PTPRD: variants seen among roughly 807,000 people sequenced by gnomAD.
PTPRD encodes the protein receptor-type tyrosine-protein phosphatase delta.
In PTPRD, 34 loss-of-function variants were observed where a neutral mutation model predicts 214.5. That is an observed-to-expected ratio of 0.16 (90% confidence interval 0.12 to 0.21). The LOEUF is 0.21. Ranked by LOEUF, PTPRD falls within the 10% of genes least tolerant of loss-of-function variation. The pLI, the probability that PTPRD is intolerant of heterozygous loss-of-function variation, is 1.00. For synonymous variants in PTPRD, 1,128 were observed against 845.7 expected (o/e 1.33, Z -5.79); for missense variants, 2,545 against 2,398.7 (o/e 1.06, Z -1.27).
intron 14 of PTPRD, among the ~76,000 whole-genome samples, chr9:8,617,939 A>T (rs908676524): frequency 5.9e-5 from 9 of 152,046 alleles, no homozygotes; most frequent in African/African-American, 1.4e-4. Flanking sequence ...CTCATTTTTT[A>T]AAAAAATCAC....
intron 11 of PTPRD, among the ~76,000 whole-genome samples, chr9:8,748,686 C>A (rs773192786): frequency 3.3e-5 from 5 of 151,984 alleles, no homozygotes; most frequent in Non-Finnish European, 7.4e-5. Context: ...CCAAGGCAGA[C>A]GGATCACCTG....
At chr9:9,645,481 T>A (rs866867818) in intron 7 of PTPRD, among the ~76,000 whole-genome samples, 44 of 142,346 alleles carry the variant, frequency 3.1e-4, no homozygotes, top group Middle Eastern at 3.9e-3. Flanking sequence ...ATATATATAT[T>A]TTCTATTTGC....
chr9:9,365,770 G>T (rs982737284), intron 9 of PTPRD, among the ~76,000 whole-genome samples: 2 of 151,208 alleles, frequency 1.3e-5, no homozygotes, highest in Non-Finnish European at 3.0e-5. Context: ...GTCTCTCTAT[G>T]GGTCTCTCAA....
At chr9:10,205,820 T>C (rs2099471927) in intron 3 of PTPRD, among the ~76,000 whole-genome samples, 1 of 152,192 alleles carries the variant, frequency 6.6e-6, no homozygotes, top group Admixed American at 6.5e-5. Context: ...TGAAATGTGA[T>C]ACTATAACTT....
intron 3 of PTPRD, among the ~76,000 whole-genome samples, chr9:10,188,418 A>G (rs1320132968): frequency 6.6e-6 from 1 of 152,134 alleles, no homozygotes; most frequent in African/African-American, 2.4e-5. Context: ...TTCCACTTGA[A>G]TCCTTTATAG....
rs1262853374 is a variant in PTPRD, at chr9:9,838,248, T to C, written c.-367-71397A>G. Among the ~76,000 whole-genome samples the C allele has an allele frequency of 5.9e-5, 9 of 152,318 alleles. No homozygotes were observed. The East Asian group carries it at 9.6e-4, about 16-fold the overall frequency. ...AAACATAGGTGTGCATGTGTCTTTA[T>C]AGCAGCATGATTTGTAGTCCTTTGG... On this transcript the variant is annotated intron_variant, in intron 5 of 45. Transcript: ENST00000381196.
chr9:8,986,172 G>A (rs1335641242), intron 11 of PTPRD, among the ~76,000 whole-genome samples: 1 of 152,026 alleles, frequency 6.6e-6, no homozygotes, highest in Non-Finnish European at 1.5e-5. Context: ...GTTGGGTGCA[G>A]AACAGTTTTT....
intron 5 of PTPRD, among the ~76,000 whole-genome samples, chr9:9,848,776 C>A (rs2060010369): frequency 6.6e-6 from 1 of 151,870 alleles, no homozygotes; most frequent in Admixed American, 6.6e-5. Flanking sequence ...TAGACAGAAC[C>A]CATTACAGCC....
Position 10,381,773 on chromosome 9 carries a change from G to A in PTPRD, c.-599-40756C>T, listed in dbSNP as rs149671686. On this transcript the variant is annotated intron_variant, in intron 2 of 45. Transcript: ENST00000381196. ...TATTATATTTGTGTAGCACTAGTGTGGAGGAAAATAATATTATGTCATACA... is the reference window on the plus strand; with the variant it reads ...TATTATATTTGTGTAGCACTAGTGTAGAGGAAAATAATATTATGTCATACA... Among the ~76,000 whole-genome samples the A allele has an allele frequency of 4.1e-4, 62 of 151,972 alleles. 1 individual carries two copies. In the East Asian group the frequency reaches 0.011, roughly 28 times the overall value.
In PTPRD at chr9:8,789,213, T is replaced by C. The variant is rs141687355; in HGVS notation, c.-103-55267A>G. On this transcript the variant is annotated intron_variant, in intron 11 of 45. Coordinates refer to ENST00000381196, the MANE Select transcript of PTPRD (RefSeq NM_002839.4). ...TATACTTAATGCTTCTACTAATGAATTGTTTTTTCAGCATTTGGCCCAAAA... is the reference window on the plus strand; with the variant it reads ...TATACTTAATGCTTCTACTAATGAACTGTTTTTTCAGCATTTGGCCCAAAA... 2.4e-3 allele frequency among the ~76,000 whole-genome samples: 365 copies of C among 152,140 alleles called. 1 individual carries two copies. The highest frequency in any genetic ancestry group is 7.8e-3 in the African/African-American group (322 of 41,514).
intron 9 of PTPRD, among the ~76,000 whole-genome samples, chr9:9,376,099 A>G (rs1219499643): frequency 1.3e-5 from 2 of 152,078 alleles, no homozygotes; most frequent in Admixed American, 6.6e-5. Context: ...AGATCTTAAC[A>G]TTCTACTATA....
At chr9:9,064,763 G>C (rs536924426) in intron 10 of PTPRD, among the ~76,000 whole-genome samples, 1 of 152,228 alleles carries the variant, frequency 6.6e-6, no homozygotes, top group African/African-American at 2.4e-5. Context: ...AATCATCACG[G>C]TAATAATGCT....
At position 9,084,198 on chromosome 9, in the gene PTPRD, T is replaced by G. The variant is rs1282183546; in HGVS notation, c.-142-65463A>C. 3.9e-5 allele frequency among the ~76,000 whole-genome samples: 6 copies of G among 152,192 alleles called. No individual in the cohort carries two copies. The East Asian group carries it at 1.2e-3, about 29-fold the overall frequency. ...CTGGATAAAGAAAATGTGGCACATTTACACCATGGAATACTATGCAGCCAT... is the reference window on the plus strand; with the variant it reads ...CTGGATAAAGAAAATGTGGCACATTGACACCATGGAATACTATGCAGCCAT... On this transcript the variant is annotated intron_variant, in intron 10 of 45. Transcript: ENST00000381196.
intron 5 of PTPRD, among the ~76,000 whole-genome samples, chr9:9,926,100 G>C (rs1426204645): frequency 6.6e-6 from 1 of 152,062 alleles, no homozygotes; most frequent in African/African-American, 2.4e-5. Context: ...AAAGTGCTGG[G>C]ATTACAGGCA....
At chr9:9,300,320 G>T (rs557322287) in intron 9 of PTPRD, among the ~76,000 whole-genome samples, 1 of 151,634 alleles carries the variant, frequency 6.6e-6, no homozygotes, top group African/African-American at 2.4e-5. Flanking sequence ...TGTATCTTAA[G>T]CTCCTCCTTC....
chr9:9,132,205 T>G (rs957440298), intron 10 of PTPRD, among the ~76,000 whole-genome samples: 1 of 152,100 alleles, frequency 6.6e-6, no homozygotes, highest in Non-Finnish European at 1.5e-5. Context: ...GAGAGGGGGT[T>G]TCACCGTGTT....
chr9:9,005,874 G>A (rs865935086), intron 11 of PTPRD, among the ~76,000 whole-genome samples: 1 of 151,912 alleles, frequency 6.6e-6, no homozygotes, highest in Non-Finnish European at 1.5e-5. Flanking sequence ...CAGTTAACTG[G>A]CTTCACTAAC....
At chr9:9,617,099 T>C (rs1389019389) in intron 7 of PTPRD, among the ~76,000 whole-genome samples, 4 of 152,202 alleles carry the variant, frequency 2.6e-5, no homozygotes, top group African/African-American at 9.6e-5. Flanking sequence ...TCTTGTTATG[T>C]GATGCTGAGC....
At chr9:9,087,876 CTCT>C (rs1490722467) in intron 10 of PTPRD, among the ~76,000 whole-genome samples, 26 of 89,686 alleles carry the variant, frequency 2.9e-4, no homozygotes, top group African/African-American at 1.0e-3. Flanking sequence ...GAGCCCTAAA[CTCT>C]TTTTTTTTTT....
Sources: allele counts gnomAD v4.1 joint callset (sites outside exome capture counted in the v4.1 genomes callset), GRCh38; gene constraint gnomAD v4.1.1; transcripts MANE v1.5; gene names NCBI Gene and HGNC (gene_info 2026-07-23, HGNC 2026-07-21).